WASHC4: variants seen among roughly 807,000 people sequenced by gnomAD.
WASHC4 encodes WASH complex subunit 7.
In WASHC4, 86 loss-of-function variants were observed where a neutral mutation model predicts 166.6. The observed-to-expected ratio is 0.52, with a 90% confidence interval of 0.43 to 0.62. WASHC4 has a LOEUF of 0.62. Among genes scored for constraint, WASHC4 ranks in the 20% least tolerant of loss-of-function variants. The pLI is 0.00. For synonymous variants in WASHC4, 446 were observed against 451.6 expected, an observed-to-expected ratio of 0.99 and a Z score of 0.16; for missense variants, 1,262 against 1,382.4, an observed-to-expected ratio of 0.91 and a Z score of 1.38.
At position 105,144,826 on chromosome 12, in the gene WASHC4, G is replaced by C; in HGVS notation, c.2288G>C (p.Gly763Ala). The C allele has an allele frequency of 6.2e-7, 1 of 1,613,136 alleles. No homozygotes were observed. Among genetic ancestry groups the C allele is most frequent in the Non-Finnish European group, 8.5e-7 (1 of 1,179,474 alleles). The change falls in exon 22 of 33, where the codon GGA becomes GCA. Residue 763 changes from glycine (G) to alanine (A), a missense_variant. Transcript: ENST00000332180. ...EMRNLATQRY[G>A]LVMTEAHLPS... ...AGAAACTTAGCTACTCAGCGTTATG[G>C]ACTGGTTATGACAGAGGCACATCTT... is the stretch of plus-strand genomic sequence containing the variant.
At chr12:105,148,047 G>A in intron 24 of WASHC4, 1 of 985,096 alleles carries the variant, frequency 1.0e-6, no homozygotes. Flanking sequence ...TCTCCTTTAG[G>A]GGAGAAGACT....
chr12:105,118,389 A>G (rs1401107609), intron 6 of WASHC4, 57 bp from the exon 7 acceptor site: 14 of 1,225,840 alleles, frequency 1.1e-5, no homozygotes, highest in Admixed American at 1.7e-5. Context: ...AAATTCAGTA[A>G]AAAATGGTGA....
chr12:105,154,870 C>T (rs1036312086), intron 26 of WASHC4, among the ~76,000 whole-genome samples: 1 of 152,124 alleles, frequency 6.6e-6, no homozygotes, highest in Non-Finnish European at 1.5e-5. Flanking sequence ...ACAAACTTGT[C>T]ATTTGACTTT....
intron 13 of WASHC4, among the ~76,000 whole-genome samples, chr12:105,132,180 T>C (rs929468849): frequency 1.3e-5 from 2 of 152,258 alleles, no homozygotes; most frequent in African/African-American, 4.8e-5. Context: ...TTTGTTTGTT[T>C]GTTTTTGAGA....
intron 27 of WASHC4, 68 bp from the exon 28 acceptor site, chr12:105,157,168 T>A (rs1884218304): frequency 1.2e-6 from 1 of 831,134 alleles, no homozygotes; most frequent in East Asian, 2.4e-5. Context: ...GCAGTACCAC[T>A]TTTATATCTG....
At chr12:105,121,601 G>T (rs1395842181) in intron 9 of WASHC4, among the ~76,000 whole-genome samples, 1 of 152,138 alleles carries the variant, frequency 6.6e-6, no homozygotes, top group Non-Finnish European at 1.5e-5. Context: ...TCTGCCTCCT[G>T]GGTTCAAGTG....
Position 105,147,137 on chromosome 12 carries a change from G to A in WASHC4, c.2505G>A (p.Met835Ile). The A allele has an allele frequency of 6.3e-7, 1 of 1,589,086 alleles. No homozygotes were observed. Among genetic ancestry groups the A allele is most frequent in the Non-Finnish European group, 8.6e-7 (1 of 1,157,170 alleles). The change falls in exon 24 of 33, where the codon ATG becomes ATA. Residue 835 changes from methionine (M) to isoleucine (I), a missense_variant. Met to Ile is a conservative substitution (Grantham distance 10). Coordinates refer to ENST00000332180, the MANE Select transcript of WASHC4 (RefSeq NM_015275.3). ...TTCGAACACATGGCACGGGAATTAT[G>A]AATACAACTGTAAGAACTTTTCTTT... ...NSIRTHGTGI[M>I]NTTVNFTYQF... is the part of the protein sequence containing the mutation.
At chr12:105,150,666 C>T (rs1883679609) in intron 25 of WASHC4, among the ~76,000 whole-genome samples, 2 of 152,176 alleles carry the variant, frequency 1.3e-5, no homozygotes, top group African/African-American at 2.4e-5. Flanking sequence ...TGCCTGAAGT[C>T]TCAGATGCTC....
At chr12:105,131,114 C>T (rs1353401982) in intron 13 of WASHC4, among the ~76,000 whole-genome samples, 1 of 149,828 alleles carries the variant, frequency 6.7e-6, no homozygotes, top group Non-Finnish European at 1.5e-5. Flanking sequence ...GAGTCTCGCT[C>T]TGTCTCCCAG....
Position 105,168,927 on chromosome 12 carries a change from T to C in WASHC4, c.*1996T>C, listed in dbSNP as rs1884942189. 1.3e-5 allele frequency: 2 copies of C among 152,554 alleles called. No individual in the cohort carries two copies. The highest frequency in any genetic ancestry group is 4.8e-5 in the African/African-American group (2 of 41,452). 9.5% of individuals were successfully genotyped at this position (152,554 alleles called of 1,614,324 possible). On this transcript the variant is annotated 3_prime_UTR_variant, in exon 33 of 33. Transcript: ENST00000332180. ...AGACATACTGTAATTTAAAAATTAA[T>C]GTGAGCGTTTGTTTTAAGTTCACAG...
chr12:105,129,574 G>A (rs529184889), intron 13 of WASHC4, among the ~76,000 whole-genome samples: 1 of 152,094 alleles, frequency 6.6e-6, no homozygotes, highest in South Asian at 2.1e-4. Flanking sequence ...TTTTGAGAGG[G>A]TCACAAACTG....
intron 25 of WASHC4, 112 bp downstream of exon 25, chr12:105,149,861 C>A: frequency 9.2e-7 from 1 of 1,083,074 alleles, no homozygotes; most frequent in Non-Finnish European, 1.3e-6. Flanking sequence ...TTTATTTTCC[C>A]TATAATTTCT....
chr12:105,142,623 G>T, intron 19 of WASHC4, 65 bp downstream of exon 19: 1 of 861,654 alleles, frequency 1.2e-6, no homozygotes, highest in African/African-American at 1.8e-5. Context: ...AACCGTTTTA[G>T]TTTAAAATAG....
At chr12:105,157,585 A>ACTT (rs1175916868) in intron 28 of WASHC4, among the ~76,000 whole-genome samples, 1 of 152,234 alleles carries the variant, frequency 6.6e-6, no homozygotes, top group Admixed American at 6.5e-5. Context: ...GTGCTCAAGT[A>ACTT]TAAAGTACAT....
At chr12:105,147,001 T>C (rs759682247) in intron 23 of WASHC4, 41 bp from the exon 24 acceptor site, 1 of 1,078,234 alleles carries the variant, frequency 9.3e-7, no homozygotes. Flanking sequence ...GTGTTTGCTA[T>C]GGGTTGCGTT....
chr12:105,130,500 A>AT (rs1251940490), intron 13 of WASHC4, among the ~76,000 whole-genome samples: 6 of 152,168 alleles, frequency 3.9e-5, no homozygotes, highest in Non-Finnish European at 5.9e-5. Context: ...GGGCACAGTT[A>AT]TTTTTTTCAG....
intron 2 of WASHC4, among the ~76,000 whole-genome samples, chr12:105,113,216 G>A (rs1879853152): frequency 6.6e-6 from 1 of 152,046 alleles, no homozygotes; most frequent in Non-Finnish European, 1.5e-5. Flanking sequence ...TTGGCATTAA[G>A]TAATACATGT....
Position 105,142,524 on chromosome 12 carries a change from T to G in WASHC4, c.1859T>G (p.Val620Gly). The G allele has an allele frequency of 6.2e-7, 1 of 1,602,558 alleles. No homozygotes were observed. The highest frequency in any genetic ancestry group is 8.5e-7 in the Non-Finnish European group (1 of 1,170,592). The stretch of plus-strand genomic sequence containing the variant: ...GTCTTCCCAATTTATTTAGATGATG[T>G]ATATGAAAATGCTGTTGATGCAGCC... ...RAVFPIYLDD[V>G]YENAVDAARL... Residue 620 changes from valine to glycine, a missense_variant, in exon 19 of 33, where the codon GTA (valine) becomes GGA (glycine). Physicochemically the swap from Val to Gly is moderately radical, Grantham distance 109 (BLOSUM62 -3). Coordinates refer to ENST00000332180, the MANE Select transcript of WASHC4 (RefSeq NM_015275.3).
At chr12:105,146,890 C>A in intron 23 of WASHC4, 152 bp from the exon 24 acceptor site, 1 of 667,782 alleles carries the variant, frequency 1.5e-6, no homozygotes, top group Non-Finnish European at 2.7e-6. Context: ...TTCAGATTTT[C>A]GGATTAAGGA....
Sources: allele counts gnomAD v4.1 joint callset (sites outside exome capture counted in the v4.1 genomes callset), GRCh38; gene constraint gnomAD v4.1.1; transcripts MANE v1.5; gene names NCBI Gene and HGNC (gene_info 2026-07-23, HGNC 2026-07-21).